Variants in RERE observed in about 807,000 individuals in gnomAD.
RERE encodes the protein arginine-glutamic acid dipeptide repeats, also known as arginine-glutamic acid dipeptide repeats protein.
In RERE, 40 loss-of-function variants were observed where a neutral mutation model predicts 146.1. The ratio of observed to expected loss-of-function variants is 0.27; its 90% CI spans 0.21 to 0.36. RERE has a LOEUF of 0.36. Among genes scored for constraint, RERE ranks in the 10% least tolerant of loss-of-function variants. The pLI, the probability that RERE is intolerant of heterozygous loss-of-function variation, is 1.00. For missense variants in RERE, 1,933 were observed against 2,138.7 expected, an observed-to-expected ratio of 0.90 and a Z score of 1.90; for synonymous variants, 1,003 against 866.0, an observed-to-expected ratio of 1.16 and a Z score of -2.78.
At chr1:8,424,168 C>T (rs159961) in intron 11 of RERE, 44,591 of 152,094 alleles carry the variant, frequency 0.29, 6,883 homozygotes, top group Non-Finnish European at 0.32. Context: ...GGGGGCTGGC[C>T]CCGACGCCCC....
At chr1:8,730,338 T>TTTTTG (rs1365386065) in intron 1 of RERE, among the ~76,000 whole-genome samples, 3 of 152,068 alleles carry the variant, frequency 2.0e-5, no homozygotes, top group African/African-American at 7.3e-5. Context: ...TTTGGGGTTT[T>TTTTTG]TTTTGTTTTT....
At chr1:8,708,169 T>C (rs1639593899) in intron 1 of RERE, among the ~76,000 whole-genome samples, 1 of 152,120 alleles carries the variant, frequency 6.6e-6, no homozygotes, top group South Asian at 2.1e-4. Context: ...CATCCAAATC[T>C]CATCTTGTAG....
At chr1:8,637,627 C>T (rs74743075) in intron 2 of RERE, among the ~76,000 whole-genome samples, 2,313 of 152,238 alleles carry the variant, frequency 0.015, 61 homozygotes, top group African/African-American at 0.053. Flanking sequence ...ACCCTTAACC[C>T]GGGGACCAAA....
At position 8,360,147 on chromosome 1, in the gene RERE, C is replaced by T; in HGVS notation, c.3360G>A (p.Val1120=). The T allele has an allele frequency of 6.3e-7, 1 of 1,595,390 alleles. No individual in the cohort carries two copies. Among genetic ancestry groups the T allele is most frequent in the Non-Finnish European group, 8.5e-7 (1 of 1,170,830 alleles). Residue 1120 remains valine (V), a synonymous_variant, in exon 18 of 23, where the codon GTG becomes GTA. Transcript: ENST00000400908. ...PPRSPSPEPT[V]VDTPSHASQS... ...GGCTGGCGTGACTGGGGGTGTCCAC[C>T]ACAGTGGGCTCCGGGGACGGGCTCC...
chr1:8,599,471 A>T (rs1289347350), intron 4 of RERE, among the ~76,000 whole-genome samples: 1 of 152,208 alleles, frequency 6.6e-6, no homozygotes, highest in Non-Finnish European at 1.5e-5. Context: ...AAACAAGGTT[A>T]AAAAAAGTGT....
intron 1 of RERE, among the ~76,000 whole-genome samples, chr1:8,769,697 G>A (rs966357436): frequency 5.3e-5 from 8 of 151,888 alleles, no homozygotes; most frequent in Non-Finnish European, 7.4e-5. Flanking sequence ...GGCTGGTCTC[G>A]AACTCCTGGA....
chr1:8,505,991 C>T (rs1305585052), intron 8 of RERE, among the ~76,000 whole-genome samples: 1 of 152,062 alleles, frequency 6.6e-6, no homozygotes, highest in African/African-American at 2.4e-5. Context: ...AATCCAATCA[C>T]AGTAAATTTG....
At chr1:8,605,750 A>AAAAAAAAAAAAAAC (rs1646697032) in intron 4 of RERE, among the ~76,000 whole-genome samples, 1 of 60,938 alleles carries the variant, frequency 1.6e-5, no homozygotes, top group African/African-American at 8.8e-5. Context: ...ATCTCCAAAA[A>AAAAAAAAAAAAAAC]AAAAAAAAAA....
At chr1:8,369,801 T>C (rs1285093356) in intron 12 of RERE, among the ~76,000 whole-genome samples, 1 of 152,076 alleles carries the variant, frequency 6.6e-6, no homozygotes, top group Non-Finnish European at 1.5e-5. Flanking sequence ...TATATATATA[T>C]TTTTTTGAGA....
At chr1:8,800,358 T>A (rs1357347677) in intron 1 of RERE, among the ~76,000 whole-genome samples, 1 of 152,228 alleles carries the variant, frequency 6.6e-6, no homozygotes, top group Non-Finnish European at 1.5e-5. Flanking sequence ...ATGAAGCTTT[T>A]ATTATTTAAA....
chr1:8,453,285 G>C (rs906343144), intron 11 of RERE, among the ~76,000 whole-genome samples: 16 of 152,114 alleles, frequency 1.1e-4, no homozygotes, highest in African/African-American at 3.6e-4. Context: ...TCATTTCCAT[G>C]GACTGAACTG....
chr1:8,713,793 A>C (rs1220368769), intron 1 of RERE, among the ~76,000 whole-genome samples: 1 of 152,178 alleles, frequency 6.6e-6, no homozygotes, highest in Non-Finnish European at 1.5e-5. Flanking sequence ...CTACAGTGCT[A>C]AACAGTCTTA....
chr1:8,655,325 G>C (rs962659798), intron 2 of RERE, among the ~76,000 whole-genome samples: 2 of 151,764 alleles, frequency 1.3e-5, no homozygotes, highest in East Asian at 3.9e-4. Context: ...TCCCGTCTCA[G>C]CCTCCCAAGT....
intron 1 of RERE, among the ~76,000 whole-genome samples, chr1:8,815,224 C>T (rs1341920520): frequency 1.3e-5 from 2 of 152,156 alleles, no homozygotes; most frequent in East Asian, 1.9e-4. Flanking sequence ...TTCTTATAAC[C>T]CTTATTTACA....
intron 4 of RERE, among the ~76,000 whole-genome samples, chr1:8,562,477 A>AGTTT (rs59739710): frequency 2.7e-4 from 40 of 150,852 alleles, no homozygotes; most frequent in East Asian, 9.8e-4. Flanking sequence ...ACTTCTCACC[A>AGTTT]GTTTGTTTGT....
At chr1:8,598,418 C>T (rs79769442) in intron 4 of RERE, among the ~76,000 whole-genome samples, 25,044 of 152,172 alleles carry the variant, frequency 0.16, 2,478 homozygotes, top group Middle Eastern at 0.27. Flanking sequence ...GCAGAAGCAA[C>T]GTCACGGAGC....
At chr1:8,774,606 G>A (rs1338631533) in intron 1 of RERE, among the ~76,000 whole-genome samples, 2 of 151,598 alleles carry the variant, frequency 1.3e-5, no homozygotes, top group East Asian at 1.9e-4. Context: ...GACCCGCCTC[G>A]GCCTCCCAAA....
chr1:8,669,181 C>G (rs908396962), intron 1 of RERE, among the ~76,000 whole-genome samples: 4 of 150,324 alleles, frequency 2.7e-5, no homozygotes, highest in East Asian at 3.9e-4. Context: ...CAAGCAATAC[C>G]CCCCCCAACT....
chr1:8,792,232 C>T (rs1208085494), intron 1 of RERE, among the ~76,000 whole-genome samples: 1 of 152,126 alleles, frequency 6.6e-6, no homozygotes, highest in Non-Finnish European at 1.5e-5. Context: ...TTTATCTATG[C>T]ACATAAAAAC....
Sources: gnomAD v4.1 joint callset for allele counts (sites outside exome capture counted in the v4.1 genomes callset) on GRCh38, gnomAD v4.1.1 for gene constraint, MANE v1.5 for transcripts, NCBI Gene and HGNC (gene_info 2026-07-23, HGNC 2026-07-21) for gene names.